DSC2: variants seen among roughly 807,000 people sequenced by gnomAD.
DSC2 encodes the protein desmocollin 2, also known as desmocollin-2.
A neutral mutation model predicts 87.6 loss-of-function variants in DSC2; 51 were observed. That is an observed-to-expected ratio of 0.58 (90% CI 0.46 to 0.74). The LOEUF (loss-of-function observed/expected upper bound fraction) is 0.74. DSC2 is among the 30% of genes least tolerant of loss of function. DSC2 has a pLI of 0.00. For missense variants in DSC2, 1,066 were observed against 1,089.5 expected (o/e 0.98, Z 0.30); for synonymous variants, 383 against 393.2 (o/e 0.97, Z 0.31).
At chr18:31,079,800 G>T (rs750382814) in intron 11 of DSC2, 47 bp downstream of exon 11, 7 of 1,609,266 alleles carry the variant, frequency 4.3e-6, no homozygotes, top group East Asian at 4.5e-5. Context: ...CACTGAAGAT[G>T]TATGTAGCCA....
Position 31,087,674 on chromosome 18 carries a change from C to G in DSC2, c.770G>C (p.Arg257Thr), listed in dbSNP as rs763706897. ...TYTFTIFENC[R>T]VGTTVGQVCA... is the part of the protein sequence containing the mutation. ...TTGTTTAAGGAGGTACTCACCCACT[C>G]TGCAATTTTCAAAAATTGTAAAAGT... Residue 257 changes from arginine to threonine, a missense_variant, in exon 6 of 16, where the codon AGA becomes ACA. By Grantham distance (71) the Arg-to-Thr change is moderately conservative. Coordinates refer to ENST00000280904, the MANE Select transcript of DSC2 (RefSeq NM_024422.6). 6 of 1,611,726 alleles carry G rather than the reference C, an allele frequency of 3.7e-6. No individual in the cohort carries two copies.
chr18:31,079,710 A>C, intron 11 of DSC2, 137 bp downstream of exon 11: 1 of 942,002 alleles, frequency 1.1e-6, no homozygotes, highest in Non-Finnish European at 1.6e-6. Flanking sequence ...AATTATAGTA[A>C]ACCTCTTACT....
intron 8 of DSC2, 84 bp from the exon 9 acceptor site, chr18:31,082,507 A>C: frequency 1.6e-6 from 2 of 1,231,212 alleles, no homozygotes; most frequent in Non-Finnish European, 2.3e-6. Context: ...CTACTCTTCT[A>C]ATTTCCAAAG....
Position 31,074,828 on chromosome 18 carries a change from T to C in DSC2, c.1743A>G (p.Thr581=), listed in dbSNP as rs757242566. Residue 581 remains threonine (T), a synonymous_variant, in exon 12 of 16, where the codon ACA becomes ACG. Coordinates refer to ENST00000280904, the MANE Select transcript of DSC2 (RefSeq NM_024422.6). The part of the protein sequence containing the change: ...NDNSPFIPKK[T]VIICKPTMSS... ...ACATGGTGGGTTTGCAGATGATCAC[T>C]GTCTTTTTAGGTATGAATGGGCTGT... 6.2e-7 allele frequency: 1 copy of C among 1,613,898 alleles called. No individual in the cohort carries two copies. Among genetic ancestry groups the C allele is most frequent in the Non-Finnish European group, 8.5e-7 (1 of 1,180,004 alleles).
intron 9 of DSC2, 150 bp downstream of exon 9, chr18:31,082,088 C>T: frequency 2.8e-6 from 2 of 701,992 alleles, no homozygotes; most frequent in East Asian, 5.7e-5. Context: ...CTAATATATT[C>T]TTTCCATTGT....
rs1431130615 is a variant in DSC2, at chr18:31,089,598, G to A, written c.475-4C>T. ...TTTGGGCCGTGTCAGATTGAACCTA[G>A]AAAGTAGATATTATATACATGAGAC... is the stretch of plus-strand genomic sequence containing the variant. On this transcript the variant is annotated splice_region_variant and splice_polypyrimidine_tract_variant and intron_variant, in intron 4 of 15. Coordinates refer to ENST00000280904, the MANE Select transcript of DSC2 (RefSeq NM_024422.6). 2.5e-6 allele frequency: 4 copies of A among 1,612,762 alleles called. No individual in the cohort carries two copies. The highest frequency in any genetic ancestry group is 2.5e-6 in the Non-Finnish European group (3 of 1,179,178).
chr18:31,068,016 C>T lies in DSC2; in HGVS notation c.2705G>A (p.Ter902=). ...RTLAEACMKR[*] ...TTTCAGAGACTTATTAGAACACACT[C>T]ATCTCTTCATGCATGCTTCTGCTAG... Residue 902 remains the stop codon, a stop_retained_variant, in exon 16 of 16, where the codon TGA becomes TAA. Coordinates refer to ENST00000280904, the MANE Select transcript of DSC2 (RefSeq NM_024422.6). 6.2e-7 allele frequency: 1 copy of T among 1,613,682 alleles called. No homozygotes were observed. The highest frequency in any genetic ancestry group is 1.1e-5 in the South Asian group (1 of 91,036).
At position 31,060,898 on chromosome 18, in the gene DSC2, C is replaced by T. The variant is rs1284048639; in HGVS notation, c.*7117G>A. 6.6e-6 allele frequency: 1 copy of T among 152,156 alleles called. No homozygotes were observed. Among genetic ancestry groups the T allele is most frequent in the Non-Finnish European group, 1.5e-5 (1 of 68,024 alleles). The allele number at this position is 152,156 out of a possible 1,614,324, so 9.4% of individuals were successfully genotyped here. A position where few individuals can be genotyped will look rare whatever the true frequency, so the allele number is the denominator to read the frequency against. On this transcript the variant is annotated 3_prime_UTR_variant, in exon 16 of 16. Transcript: ENST00000280904. ...ATCAATGTGTTTCAACTCTTTGGTA[C>T]ATTTCTAGCATTTTGCTTAATATGT...
In DSC2 at chr18:31,091,101, T is replaced by G; in HGVS notation, c.401A>C (p.Lys134Thr). The change falls in exon 4 of 16, where the codon AAG (lysine) becomes ACG (threonine). Residue 134 changes from lysine to threonine, a missense_variant. Coordinates refer to ENST00000280904, the MANE Select transcript of DSC2 (RefSeq NM_024422.6). ...ACAAGGAATTGGAGCCCATCTTCTC[T>G]TGGCGCGCCTTAGAACTTTTTCTTT... is the stretch of plus-strand genomic sequence containing the variant. ...HTKEKVLRRAKRRWAPIPCSM... is the reference protein window; with the variant it reads ...HTKEKVLRRATRRWAPIPCSM... 6.2e-7 allele frequency: 1 copy of G among 1,614,082 alleles called. No homozygotes were observed. Among genetic ancestry groups the G allele is most frequent in the Non-Finnish European group, 8.5e-7 (1 of 1,179,952 alleles).
Position 31,082,281 on chromosome 18 carries a change from A to G in DSC2, c.1220T>C (p.Val407Ala). Residue 407 changes from valine to alanine, a missense_variant, in exon 9 of 16, where the codon GTA (valine) becomes GCA (alanine). Physicochemically the swap from Val to Ala is moderately conservative, Grantham distance 64 (BLOSUM62 0). Transcript: ENST00000280904. ...TCCTTCATTGGTTTTGGCATCTGTT[A>G]CAATTTTAAAATTGCCATTTTCATT... is the stretch of plus-strand genomic sequence containing the variant. The part of the protein sequence containing the change: ...KGNENGNFKI[V>A]TDAKTNEGVL... 1 of 1,613,748 alleles carries G rather than the reference A, an allele frequency of 6.2e-7. No individual in the cohort carries two copies. The highest frequency in any genetic ancestry group is 2.2e-5 in the East Asian group (1 of 44,826).
rs1114167344 is a variant in DSC2, at chr18:31,068,140, C to T, written c.2581G>A (p.Gly861Arg). The T allele has an allele frequency of 6.2e-7, 1 of 1,614,012 alleles. No individual in the cohort carries two copies. The highest frequency in any genetic ancestry group is 8.5e-7 in the Non-Finnish European group (1 of 1,179,980). Reference sequence around the variant, plus strand: ...ACAGACCCAGCCACCGATCCTCTTCCTTCATAGTTATATGTCAGGACATAG... The same window carrying T: ...ACAGACCCAGCCACCGATCCTCTTCTTTCATAGTTATATGTCAGGACATAG... ...QDYVLTYNYE[G>R]RGSVAGSVGC... The change falls in exon 16 of 16, where the codon GGA (glycine) becomes AGA (arginine). Residue 861 changes from glycine to arginine, a missense_variant. Gly to Arg is a moderately radical substitution (Grantham distance 125). Coordinates refer to ENST00000280904, the MANE Select transcript of DSC2 (RefSeq NM_024422.6).
chr18:31,087,961 T>C (rs181822927), intron 5 of DSC2, 148 bp from the exon 6 acceptor site: 2 of 800,090 alleles, frequency 2.5e-6, no homozygotes, highest in Admixed American at 4.6e-5. Context: ...ATGGATATAA[T>C]TTTAATGCCA....
chr18:31,082,872 T>C (rs986461332), intron 8 of DSC2, 54 bp downstream of exon 8: 1 of 1,593,998 alleles, frequency 6.3e-7, no homozygotes, highest in Non-Finnish European at 8.6e-7. Flanking sequence ...ATGTGCATAT[T>C]AAACAATTAA....
chr18:31,074,421 A>ATGTGTG (rs71175757), intron 12 of DSC2, among the ~76,000 whole-genome samples: 4,382 of 139,908 alleles, frequency 0.031, 70 homozygotes, highest in Non-Finnish European at 0.041. Context: ...AAGAGAAAAA[A>ATGTGTG]TGTGTGTGTG....
chr18:31,078,804 T>C (rs1399176881), intron 11 of DSC2, among the ~76,000 whole-genome samples: 1 of 152,198 alleles, frequency 6.6e-6, no homozygotes, highest in African/African-American at 2.4e-5. Flanking sequence ...TTGTTTGTTA[T>C]ATTTAGCATA....
At chr18:31,079,562 G>A (rs1159124077) in intron 11 of DSC2, among the ~76,000 whole-genome samples, 2 of 151,996 alleles carry the variant, frequency 1.3e-5, no homozygotes, top group Non-Finnish European at 2.9e-5. Flanking sequence ...GCTGAAACAA[G>A]TTTTACTAAA....
intron 5 of DSC2, among the ~76,000 whole-genome samples, chr18:31,088,182 T>G (rs2144835188): frequency 6.6e-6 from 1 of 152,320 alleles, no homozygotes; most frequent in South Asian, 2.1e-4. Context: ...AAATACAACT[T>G]TCTGGATCTT....
rs1986489961 is a variant in DSC2 at position 31,061,001 on chromosome 18, C to G, written c.*7014G>C. 6.6e-6 allele frequency: 1 copy of G among 152,148 alleles called. No homozygotes were observed. Among genetic ancestry groups the G allele is most frequent in the Non-Finnish European group, 1.5e-5 (1 of 68,028 alleles). 9.4% of individuals were successfully genotyped at this position (152,148 alleles called of 1,614,324 possible). ...ATCAATAAACCCAGTTACTAAAACC[C>G]TAACGATTGTCAAACTTTAGAGTAA... On this transcript the variant is annotated 3_prime_UTR_variant, in exon 16 of 16. Transcript: ENST00000280904.
chr18:31,061,794 G>A lies in DSC2; in HGVS notation c.*6221C>T, dbSNP rs529948889. The A allele has an allele frequency of 1.3e-5, 2 of 152,276 alleles. No individual in the cohort carries two copies. Among genetic ancestry groups the A allele is most frequent in the Admixed American group, 6.5e-5 (1 of 15,292 alleles). The allele number at this position is 152,276 out of a possible 1,614,324, so 9.4% of individuals were successfully genotyped here. On this transcript the variant is annotated 3_prime_UTR_variant, in exon 16 of 16. Transcript: ENST00000280904. ...CAAAAGTAATAGGTTCTGCTTCTTA[G>A]CTATTGATGGGATAAAGAACACAAG...
Sources: allele counts gnomAD v4.1 joint callset (sites outside exome capture counted in the v4.1 genomes callset), GRCh38; gene constraint gnomAD v4.1.1; transcripts MANE v1.5; gene names NCBI Gene and HGNC (gene_info 2026-07-23, HGNC 2026-07-21).